Variants in DDC observed in about 807,000 individuals in gnomAD.
DDC encodes the protein dopa decarboxylase.
Under a neutral mutation model 60.0 loss-of-function variants are expected in DDC, and 43 were observed. The observed-to-expected ratio is 0.72, with a 90% CI of 0.56 to 0.92. The LOEUF (loss-of-function observed/expected upper bound fraction) is 0.92. Ranked by LOEUF, DDC falls within the 40% of genes least tolerant of loss-of-function variation. DDC has a pLI of 0.00. For synonymous variants in DDC, 232 were observed against 234.6 expected (o/e 0.99, Z 0.10); for missense variants, 573 against 620.2 (o/e 0.92, Z 0.81).
intron 10 of DDC, among the ~76,000 whole-genome samples, chr7:50,479,274 C>T (rs1201521277): frequency 6.6e-6 from 1 of 152,214 alleles, no homozygotes; most frequent in East Asian, 1.9e-4. Context: ...GCGCCAGGCA[C>T]AGAGAGCAGG....
In DDC at chr7:50,510,176, C is replaced by T. The variant is rs748970961; in HGVS notation, c.715-6117G>A. 7.9e-5 allele frequency among the ~76,000 whole-genome samples: 12 copies of T among 152,088 alleles called. No homozygotes were observed. In the South Asian group the frequency reaches 1.2e-3, roughly 16 times the overall value. ...ATTTTCAGTAGAGAAGGGGTTTCACCGTGTTAGCCAGGATGGTCTCGATCT... is the reference window on the plus strand; with the variant it reads ...ATTTTCAGTAGAGAAGGGGTTTCACTGTGTTAGCCAGGATGGTCTCGATCT... On this transcript the variant is annotated intron_variant, in intron 6 of 14. Transcript: ENST00000444124.
chr7:50,547,623 T>A (rs952505700), intron 1 of DDC, among the ~76,000 whole-genome samples: 1 of 151,940 alleles, frequency 6.6e-6, no homozygotes, highest in Non-Finnish European at 1.5e-5. Flanking sequence ...TATTTCCAAT[T>A]TTCACCCACA....
chr7:50,524,799 A>G (rs2043995456), intron 6 of DDC, among the ~76,000 whole-genome samples: 1 of 152,238 alleles, frequency 6.6e-6, no homozygotes, highest in African/African-American at 2.4e-5. Flanking sequence ...AACAACTACC[A>G]TAGGACCCTT....
At chr7:50,472,176 G>T (rs1209647940) in intron 11 of DDC, among the ~76,000 whole-genome samples, 1 of 152,160 alleles carries the variant, frequency 6.6e-6, no homozygotes, top group East Asian at 1.9e-4. Context: ...CCTCCTGCCA[G>T]ACTAAGTTCC....
At chr7:50,516,352 T>C (rs781245624) in intron 6 of DDC, among the ~76,000 whole-genome samples, 16 of 152,064 alleles carry the variant, frequency 1.1e-4, no homozygotes, top group Non-Finnish European at 1.6e-4. Context: ...AAAATCAAGA[T>C]GGAAATTTAA....
intron 1 of DDC, among the ~76,000 whole-genome samples, chr7:50,562,291 G>A (rs1017269333): frequency 5.3e-5 from 8 of 152,188 alleles, no homozygotes; most frequent in African/African-American, 7.2e-5. Context: ...TCCAGCAGCC[G>A]TGCAGGGACC....
intron 9 of DDC, among the ~76,000 whole-genome samples, chr7:50,485,556 A>G (rs2153537297): frequency 6.6e-6 from 1 of 152,362 alleles, no homozygotes; most frequent in African/African-American, 2.4e-5. Context: ...AATTAGTGAA[A>G]TTTTAAAAGA....
At chr7:50,496,689 G>A (rs1050102783) in intron 8 of DDC, among the ~76,000 whole-genome samples, 11 of 152,144 alleles carry the variant, frequency 7.2e-5, no homozygotes, top group African/African-American at 1.7e-4. Context: ...TTGGCCATGC[G>A]GCTGGATTCA....
At chr7:50,525,003 G>A (rs1390308565) in intron 6 of DDC, among the ~76,000 whole-genome samples, 5 of 152,156 alleles carry the variant, frequency 3.3e-5, no homozygotes, top group Non-Finnish European at 7.4e-5. Flanking sequence ...GTGCAGCAAC[G>A]AAAAGGAACA....
intron 9 of DDC, among the ~76,000 whole-genome samples, chr7:50,483,680 A>T (rs530921124): frequency 6.6e-6 from 1 of 152,164 alleles, no homozygotes; most frequent in South Asian, 2.1e-4. Context: ...AGGCGGGAGG[A>T]TCACGAGGTC....
chr7:50,560,072 C>A (rs1462656464), intron 1 of DDC, among the ~76,000 whole-genome samples: 4 of 152,210 alleles, frequency 2.6e-5, no homozygotes, highest in Non-Finnish European at 2.9e-5. Flanking sequence ...CTGTGGTCAG[C>A]CATCCAGGAT....
At chr7:50,468,525 C>A (rs1405450839) in intron 12 of DDC, among the ~76,000 whole-genome samples, 1 of 152,176 alleles carries the variant, frequency 6.6e-6, no homozygotes, top group East Asian at 1.9e-4. Flanking sequence ...TTCTCGCCCC[C>A]AAACAGGTCC....
intron 2 of DDC, among the ~76,000 whole-genome samples, chr7:50,541,073 A>T (rs1273940599): frequency 6.6e-6 from 1 of 152,228 alleles, no homozygotes; most frequent in East Asian, 1.9e-4. Flanking sequence ...GCCCCTGTGC[A>T]TGGAGAAGGT....
In DDC at chr7:50,461,065, AT is replaced by A. The variant is rs969741803; in HGVS notation, c.*18+2147del. ...GATCAATAAAAAAAAAAATAAATAAATAAATAAAAATTAAAAAAATAAAGAA... is the reference window on the plus strand; with the variant it reads ...GATCAATAAAAAAAAAAATAAATAAAAAATAAAAATTAAAAAAATAAAGAA... On this transcript the variant is annotated intron_variant, in intron 14 of 14. Coordinates refer to ENST00000444124, the MANE Select transcript of DDC (RefSeq NM_001082971.2). Among the ~76,000 whole-genome samples the A allele has an allele frequency of 7.0e-4, 107 of 151,824 alleles. 2 individuals carry two copies. Among genetic ancestry groups the A allele is most frequent in the African/African-American group, 2.5e-3 (102 of 41,434 alleles).
At chr7:50,552,361 A>G (rs891118889) in intron 1 of DDC, among the ~76,000 whole-genome samples, 1 of 152,212 alleles carries the variant, frequency 6.6e-6, no homozygotes, top group African/African-American at 2.4e-5. Context: ...GCTGCACACG[A>G]CACTATTCTC....
chr7:50,506,453 T>C (rs1027761636), intron 6 of DDC, among the ~76,000 whole-genome samples: 3 of 152,076 alleles, frequency 2.0e-5, no homozygotes, highest in Non-Finnish European at 4.4e-5. Flanking sequence ...TGTATACATA[T>C]GTACAAACCT....
At chr7:50,554,664 G>C (rs10233346) in intron 1 of DDC, among the ~76,000 whole-genome samples, 1 of 152,182 alleles carries the variant, frequency 6.6e-6, no homozygotes, top group Non-Finnish European at 1.5e-5. Flanking sequence ...TCAGGGACTA[G>C]AGCCAGAGTT....
At chr7:50,556,612 A>G (rs550162607) in intron 1 of DDC, among the ~76,000 whole-genome samples, 1 of 152,210 alleles carries the variant, frequency 6.6e-6, no homozygotes, top group Non-Finnish European at 1.5e-5. Flanking sequence ...TAGATGCTCG[A>G]AGCATAGCAT....
At chr7:50,525,691 G>A (rs1463139549) in intron 6 of DDC, among the ~76,000 whole-genome samples, 1 of 152,114 alleles carries the variant, frequency 6.6e-6, no homozygotes, top group African/African-American at 2.4e-5. Flanking sequence ...TTGAACCTGG[G>A]AGGCAGATGT....
Sources: gnomAD v4.1 joint callset for allele counts (sites outside exome capture counted in the v4.1 genomes callset) on GRCh38, gnomAD v4.1.1 for gene constraint, MANE v1.5 for transcripts, NCBI Gene and HGNC (gene_info 2026-07-23, HGNC 2026-07-21) for gene names.